PRSS12: variants seen among roughly 807,000 people sequenced by gnomAD.
PRSS12 encodes the protein neurotrypsin.
In PRSS12, 85 loss-of-function variants were observed where a neutral mutation model predicts 104.4. The observed-to-expected ratio is 0.81, with a 90% CI of 0.68 to 0.98. The LOEUF is 0.98. PRSS12 is among the 50% of genes least tolerant of loss of function. PRSS12 has a pLI of 0.00. For synonymous variants in PRSS12, 454 were observed against 425.2 expected (o/e 1.07, Z -0.83); for missense variants, 1,141 against 1,139.2 (o/e 1.00, Z -0.02).
chr4:118,349,317 T>C (rs1724433012), intron 1 of PRSS12, among the ~76,000 whole-genome samples: 1 of 151,868 alleles, frequency 6.6e-6, no homozygotes, highest in East Asian at 1.9e-4. Flanking sequence ...GGCAGGAGAA[T>C]CGTTTGAACC....
intron 3 of PRSS12, among the ~76,000 whole-genome samples, chr4:118,333,171 G>A (rs929911093): frequency 6.6e-6 from 1 of 152,204 alleles, no homozygotes; most frequent in Non-Finnish European, 1.5e-5. Context: ...AAAGCTGAAT[G>A]TGTCTGGCAA....
At chr4:118,341,332 T>C (rs1446524166) in intron 1 of PRSS12, among the ~76,000 whole-genome samples, 1 of 152,216 alleles carries the variant, frequency 6.6e-6, no homozygotes, top group Non-Finnish European at 1.5e-5. Context: ...TCTGGCTTTA[T>C]TTTGTTATTG....
chr4:118,352,191 T>C, intron 1 of PRSS12, 28 bp downstream of exon 1: 1 of 1,609,136 alleles, frequency 6.2e-7, no homozygotes, highest in Non-Finnish European at 8.5e-7. Flanking sequence ...CCGTCCGGAG[T>C]TTCCGCGGCC....
At chr4:118,338,513 C>T (rs1478375894) in intron 1 of PRSS12, among the ~76,000 whole-genome samples, 199 bp from the exon 2 acceptor site, 1 of 152,122 alleles carries the variant, frequency 6.6e-6, no homozygotes, top group Non-Finnish European at 1.5e-5. Flanking sequence ...TAATTAACAT[C>T]CTGACGTCAA....
intron 11 of PRSS12, among the ~76,000 whole-genome samples, chr4:118,291,944 A>G (rs746545260): frequency 1.1e-4 from 16 of 152,122 alleles, no homozygotes; most frequent in Non-Finnish European, 2.1e-4. Context: ...TCAGCCTATC[A>G]AGATATTTTG....
At position 118,352,943 on chromosome 4, in the gene PRSS12, T is replaced by C. The variant is rs1170091229; in HGVS notation, c.-223A>G. 12 of 1,218,158 alleles carry C rather than the reference T, an allele frequency of 9.9e-6. 1 individual carries two copies. The South Asian group carries it at 1.8e-4, about 18-fold the overall frequency. The allele number at this position is 1,218,158 out of a possible 1,614,324, so 75.5% of individuals were successfully genotyped here. On this transcript the variant is annotated 5_prime_UTR_variant, in exon 1 of 13. Coordinates refer to ENST00000296498, the MANE Select transcript of PRSS12 (RefSeq NM_003619.4). Reference sequence around the variant, plus strand: ...GGCGGCGGCCGCGGGTGGGGAAATCTGGAGCTCAGCCGAGCCCCGGCCGGC... The same window carrying C: ...GGCGGCGGCCGCGGGTGGGGAAATCCGGAGCTCAGCCGAGCCCCGGCCGGC...
At chr4:118,307,742 T>C (rs1344878722) in intron 8 of PRSS12, among the ~76,000 whole-genome samples, 2 of 152,174 alleles carry the variant, frequency 1.3e-5, no homozygotes, top group Non-Finnish European at 2.9e-5. Flanking sequence ...GTTCTTATTG[T>C]AACTCACGCC....
rs1466669751 is a variant in PRSS12 at position 118,282,086 on chromosome 4, T to C, written c.2478A>G (p.Gly826=). The change falls in exon 13 of 13, where the codon GGA becomes GGG. Residue 826 remains glycine, a synonymous_variant. Coordinates refer to ENST00000296498, the MANE Select transcript of PRSS12 (RefSeq NM_003619.4). The stretch of plus-strand genomic sequence containing the variant: ...CGGGCCGTTCACACATGAGTGGTCC[T>C]CCGCTGTCTCCCTGGCAGCTGTCCA... The part of the protein sequence containing the change: ...KRVDSCQGDS[G]GPLMCERPGE... 1.2e-6 allele frequency: 2 copies of C among 1,614,210 alleles called. No homozygotes were observed. The highest frequency in any genetic ancestry group is 2.7e-5 in the African/African-American group (2 of 75,052).
Position 118,298,725 on chromosome 4 carries a change from T to C in PRSS12, c.1837+8A>G. 6.2e-7 allele frequency: 1 copy of C among 1,613,774 alleles called. No homozygotes were observed. The highest frequency in any genetic ancestry group is 8.5e-7 in the Non-Finnish European group (1 of 1,179,646). On this transcript the variant is annotated splice_region_variant and intron_variant, in intron 9 of 12. Coordinates refer to ENST00000296498, the MANE Select transcript of PRSS12 (RefSeq NM_003619.4). ...TTGACTTGTTTAGGGCTCCAGAAGG[T>C]GACTTACCTTTATTACTGTTACCTG...
intron 8 of PRSS12, among the ~76,000 whole-genome samples, chr4:118,302,098 A>G (rs924067776): frequency 6.6e-6 from 1 of 152,168 alleles, no homozygotes; most frequent in Admixed American, 6.5e-5. Flanking sequence ...TTTCAACATT[A>G]TTAAGATATT....
At chr4:118,307,381 A>G (rs1040468382) in intron 8 of PRSS12, among the ~76,000 whole-genome samples, 11 of 152,208 alleles carry the variant, frequency 7.2e-5, no homozygotes, top group African/African-American at 2.2e-4. Flanking sequence ...ATAAACATGT[A>G]TTCTTTATAG....
chr4:118,352,107 C>A, intron 1 of PRSS12, 112 bp downstream of exon 1: 3 of 1,472,016 alleles, frequency 2.0e-6, no homozygotes, highest in Non-Finnish European at 2.7e-6. Context: ...CAAACGCAAG[C>A]CCACAACCCC....
At chr4:118,331,143 G>C (rs191666916) in intron 4 of PRSS12, among the ~76,000 whole-genome samples, 8 of 152,274 alleles carry the variant, frequency 5.3e-5, no homozygotes, top group African/African-American at 1.9e-4. Flanking sequence ...TAAACAGAGG[G>C]ATTAGAAGGC....
intron 8 of PRSS12, 128 bp downstream of exon 8, chr4:118,308,308 T>C: frequency 7.9e-7 from 1 of 1,269,034 alleles, no homozygotes; most frequent in African/African-American, 1.5e-5. Context: ...ATCAAATCAA[T>C]ATGCTGCCAG....
At chr4:118,320,667 T>C (rs1441862906) in intron 4 of PRSS12, among the ~76,000 whole-genome samples, 14 of 152,058 alleles carry the variant, frequency 9.2e-5, no homozygotes, top group Admixed American at 6.6e-5. Flanking sequence ...GTGGGAGGAT[T>C]GCTGGAACCC....
At chr4:118,330,633 A>C (rs1470593520) in intron 4 of PRSS12, among the ~76,000 whole-genome samples, 2 of 152,186 alleles carry the variant, frequency 1.3e-5, no homozygotes, top group African/African-American at 4.8e-5. Context: ...AGGACACTGT[A>C]GGGGCAACTC....
chr4:118,309,566 G>T (rs999612689), intron 7 of PRSS12, among the ~76,000 whole-genome samples: 6 of 152,054 alleles, frequency 3.9e-5, no homozygotes, highest in African/African-American at 1.4e-4. Context: ...CCCCAAAACT[G>T]TGAAACAATA....
chr4:118,284,160 C>G (rs1742962866), intron 11 of PRSS12, among the ~76,000 whole-genome samples: 1 of 152,212 alleles, frequency 6.6e-6, no homozygotes, highest in East Asian at 1.9e-4. Flanking sequence ...GAGGGCTGTC[C>G]TGTGCATTAT....
intron 4 of PRSS12, among the ~76,000 whole-genome samples, chr4:118,324,964 C>T (rs1183861733): frequency 1.3e-5 from 2 of 152,094 alleles, no homozygotes; most frequent in African/African-American, 2.4e-5. Context: ...CCGCCTCAGC[C>T]TCCCAAAGGA....
Sources: gnomAD v4.1 joint callset for allele counts (sites outside exome capture counted in the v4.1 genomes callset) on GRCh38, gnomAD v4.1.1 for gene constraint, MANE v1.5 for transcripts, NCBI Gene and HGNC (gene_info 2026-07-23, HGNC 2026-07-21) for gene names.